Variants in PRKAR2B observed in about 807,000 individuals in gnomAD.
The protein encoded by PRKAR2B is protein kinase cAMP-dependent type II regulatory subunit beta.
A neutral mutation model predicts 49.9 loss-of-function variants in PRKAR2B; 14 were observed. The observed-to-expected ratio is 0.28, with a 90% CI of 0.19 to 0.44. PRKAR2B has a LOEUF of 0.44. PRKAR2B is among the 20% of genes least tolerant of loss of function. The pLI is 1.00. For synonymous variants in PRKAR2B, 196 were observed against 197.7 expected (o/e 0.99, Z 0.07); for missense variants, 393 against 537.9 (o/e 0.73, Z 2.67).
intron 3 of PRKAR2B, among the ~76,000 whole-genome samples, chr7:107,125,098 T>TA (rs1202145393): frequency 6.6e-6 from 1 of 152,124 alleles, no homozygotes; most frequent in Non-Finnish European, 1.5e-5. Flanking sequence ...CCCCAGTCAT[T>TA]AAAAAAATGT....
chr7:107,058,901 A>G (rs1180160556), intron 1 of PRKAR2B, among the ~76,000 whole-genome samples: 1 of 152,226 alleles, frequency 6.6e-6, no homozygotes, highest in East Asian at 1.9e-4. Context: ...TTTTCAATAT[A>G]GAGAAAGACA....
chr7:107,110,310 C>T (rs1008379931), intron 2 of PRKAR2B, among the ~76,000 whole-genome samples: 4 of 151,850 alleles, frequency 2.6e-5, no homozygotes, highest in Admixed American at 1.3e-4. Context: ...GCTCTGGGGC[C>T]GTAAATAAAC....
intron 1 of PRKAR2B, among the ~76,000 whole-genome samples, chr7:107,054,278 C>T (rs1172300019): frequency 1.3e-5 from 2 of 152,076 alleles, no homozygotes; most frequent in Non-Finnish European, 2.9e-5. Flanking sequence ...GGCGTGAACC[C>T]GAGAGGCAGA....
intron 4 of PRKAR2B, chr7:107,133,489 C>T (rs569331777): frequency 2.3e-4 from 35 of 152,184 alleles, no homozygotes; most frequent in African/African-American, 8.2e-4. Flanking sequence ...TTTAATCAAC[C>T]TTTAGAATTT....
At chr7:107,153,775 A>G (rs568111772) in intron 8 of PRKAR2B, among the ~76,000 whole-genome samples, 75 of 152,360 alleles carry the variant, frequency 4.9e-4, no homozygotes, top group African/African-American at 1.8e-3. Flanking sequence ...GGGTTGGAGT[A>G]GGGCTACCAA....
chr7:107,064,965 G>A (rs1326056536), intron 1 of PRKAR2B, among the ~76,000 whole-genome samples: 3 of 152,024 alleles, frequency 2.0e-5, no homozygotes, highest in Non-Finnish European at 4.4e-5. Context: ...ATTATTCCTT[G>A]GTTCAAGGGT....
chr7:107,073,729 T>C (rs1237747174), intron 2 of PRKAR2B, among the ~76,000 whole-genome samples: 2 of 152,146 alleles, frequency 1.3e-5, no homozygotes, highest in African/African-American at 4.8e-5. Context: ...CTTAAAATGC[T>C]CTTCAGCTCT....
intron 3 of PRKAR2B, 90 bp from the exon 4 acceptor site, chr7:107,128,122 T>C: frequency 1.2e-6 from 1 of 829,384 alleles, no homozygotes; most frequent in South Asian, 1.7e-5. Flanking sequence ...CTTTCTAATG[T>C]TGGTTCTGAT....
At chr7:107,095,759 A>G (rs899342272) in intron 2 of PRKAR2B, among the ~76,000 whole-genome samples, 1 of 152,218 alleles carries the variant, frequency 6.6e-6, no homozygotes, top group African/African-American at 2.4e-5. Context: ...TATTGAGATA[A>G]TCATGTGGTT....
chr7:107,115,342 A>T (rs1795253537), intron 2 of PRKAR2B, among the ~76,000 whole-genome samples: 1 of 152,226 alleles, frequency 6.6e-6, no homozygotes, highest in African/African-American at 2.4e-5. Context: ...TCTGGGAATT[A>T]AATATTCACT....
At chr7:107,137,338 TA>T (rs1467083422) in intron 4 of PRKAR2B, among the ~76,000 whole-genome samples, 2 of 152,202 alleles carry the variant, frequency 1.3e-5, no homozygotes, top group Non-Finnish European at 2.9e-5. Context: ...ATTTCTTGAT[TA>T]CCCTTCTTTG....
chr7:107,129,732 T>C (rs1027565647), intron 4 of PRKAR2B, among the ~76,000 whole-genome samples: 2 of 152,038 alleles, frequency 1.3e-5, no homozygotes, highest in African/African-American at 4.8e-5. Flanking sequence ...ATTTTTATGG[T>C]TATTTCTTGA....
At chr7:107,104,017 GTTTTTTTCTTT>G (rs979102898) in intron 2 of PRKAR2B, among the ~76,000 whole-genome samples, 2 of 150,670 alleles carry the variant, frequency 1.3e-5, no homozygotes, top group Non-Finnish European at 3.0e-5. Context: ...TCCCCACAAT[GTTTTTTTCTTT>G]TTTTTTTCTT....
At chr7:107,113,643 C>T (rs909360296) in intron 2 of PRKAR2B, among the ~76,000 whole-genome samples, 30 of 152,176 alleles carry the variant, frequency 2.0e-4, no homozygotes, top group African/African-American at 4.6e-4. Flanking sequence ...TATTATCCTC[C>T]GAATTATTCT....
At chr7:107,062,777 C>G (rs1473378540) in intron 1 of PRKAR2B, among the ~76,000 whole-genome samples, 1 of 151,386 alleles carries the variant, frequency 6.6e-6, no homozygotes, top group African/African-American at 2.4e-5. Flanking sequence ...ATGCCATTGC[C>G]TTCTGCTCTG....
chr7:107,051,885 G>T (rs907975432), intron 1 of PRKAR2B, among the ~76,000 whole-genome samples: 1 of 152,098 alleles, frequency 6.6e-6, no homozygotes, highest in Non-Finnish European at 1.5e-5. Flanking sequence ...TCCTGTATCT[G>T]TTTGACTAAG....
At chr7:107,143,959 G>C (rs909015032) in intron 5 of PRKAR2B, among the ~76,000 whole-genome samples, 1 of 152,052 alleles carries the variant, frequency 6.6e-6, no homozygotes, top group East Asian at 1.9e-4. Context: ...AACTAACCCT[G>C]TACTTGAAAA....
chr7:107,064,465 G>A (rs903425688), intron 1 of PRKAR2B, among the ~76,000 whole-genome samples: 1 of 152,144 alleles, frequency 6.6e-6, no homozygotes, highest in African/African-American at 2.4e-5. Context: ...TTGGACACCT[G>A]ATCTCTGTGC....
intron 2 of PRKAR2B, among the ~76,000 whole-genome samples, chr7:107,082,846 C>T (rs1310736532): frequency 3.9e-5 from 6 of 152,118 alleles, no homozygotes; most frequent in East Asian, 1.9e-4. Context: ...ATCCAGTGCC[C>T]GCCTTGGTCT....
Sources: allele counts gnomAD v4.1 joint callset (sites outside exome capture counted in the v4.1 genomes callset), GRCh38; gene constraint gnomAD v4.1.1; transcripts MANE v1.5; gene names NCBI Gene and HGNC (gene_info 2026-07-23, HGNC 2026-07-21).